RMND1: variants seen among roughly 807,000 people sequenced by gnomAD.
RMND1 encodes required for meiotic nuclear division 1 homolog.
In RMND1, 41 loss-of-function variants were observed where a neutral mutation model predicts 54.0. That is an observed-to-expected ratio of 0.76 (90% CI 0.59 to 0.98). RMND1 has a LOEUF of 0.98. RMND1 is among the 50% of genes least tolerant of loss of function. RMND1 has a pLI of 0.00. For missense variants in RMND1, 457 were observed against 532.0 expected (o/e 0.86, Z 1.39); for synonymous variants, 183 against 181.7 (o/e 1.01, Z -0.06).
intron 1 of RMND1, 48 bp from the exon 2 acceptor site, chr6:151,445,873 A>G (rs1780940612): frequency 7.0e-7 from 1 of 1,437,150 alleles, no homozygotes; most frequent in African/African-American, 1.4e-5. Flanking sequence ...TAATGTTTAA[A>G]ACATATATAA....
intron 2 of RMND1, among the ~76,000 whole-genome samples, chr6:151,440,049 T>G (rs1171384664): frequency 6.6e-6 from 1 of 151,980 alleles, no homozygotes; most frequent in Admixed American, 6.5e-5. Flanking sequence ...CTCTACCCCC[T>G]GGATTCAAGT....
rs200327793 is a variant in RMND1 at position 151,417,330 on chromosome 6, T to C, written c.1149A>G (p.Glu383=). 9.9e-6 allele frequency: 16 copies of C among 1,613,874 alleles called. No individual in the cohort carries two copies. Among genetic ancestry groups the C allele is most frequent in the Non-Finnish European group, 1.3e-5 (15 of 1,179,860 alleles). ...PDFYWDRENL[E]GLYDKTCQFL... is the part of the protein sequence containing the mutation. ...ATTGACACGTTTTATCGTAAAGTCC[T>C]TCCAGGTTTTCTCTGTCCCAGTAGA... Residue 383 remains glutamate (E), a synonymous_variant, in exon 10 of 12, where the codon GAA becomes GAG. Transcript: ENST00000444024.
intron 3 of RMND1, chr6:151,436,114 A>AAC (rs1554345809): frequency 2.4e-4 from 34 of 138,844 alleles, no homozygotes; most frequent in East Asian, 7.8e-4. Context: ...CCAAAAAACA[A>AAC]AAAAAAAAAA....
intron 1 of RMND1, among the ~76,000 whole-genome samples, chr6:151,449,290 AC>A (rs1258563074): frequency 6.7e-6 from 1 of 148,902 alleles, no homozygotes; most frequent in East Asian, 2.0e-4. Flanking sequence ...AATCGCCTGA[AC>A]CCGGGAGGTG....
chr6:151,424,687 A>C (rs1348191896), intron 6 of RMND1, among the ~76,000 whole-genome samples: 1 of 152,132 alleles, frequency 6.6e-6, no homozygotes, highest in African/African-American at 2.4e-5. Context: ...CACTGACATG[A>C]TGGGGTTGGG....
chr6:151,445,405 A>T lies in RMND1; in HGVS notation c.407T>A (p.Val136Asp). ...CACCTGTGGGAAGTCTTGTTTTGGA[A>T]CAAATGTTTCCGTTGATACAGATGA... Reference protein sequence around the residue: ...HFSSVSTETFVPKQDFPQVKR... With the variant: ...HFSSVSTETFDPKQDFPQVKR... The change falls in exon 2 of 12, where the codon GTT becomes GAT. Residue 136 changes from valine to aspartate, a missense_variant. By Grantham distance (152) the Val-to-Asp change is radical. Transcript: ENST00000444024. The T allele has an allele frequency of 6.2e-7, 1 of 1,614,032 alleles. No homozygotes were observed. The highest frequency in any genetic ancestry group is 8.5e-7 in the Non-Finnish European group (1 of 1,179,918).
chr6:151,419,033 G>A (rs1456798834), intron 9 of RMND1, among the ~76,000 whole-genome samples: 4 of 151,238 alleles, frequency 2.6e-5, no homozygotes, highest in Admixed American at 1.3e-4. Flanking sequence ...GCCTCCCAAA[G>A]TGTTGGGATT....
intron 5 of RMND1, among the ~76,000 whole-genome samples, chr6:151,429,329 C>T (rs2114948337): frequency 6.6e-6 from 1 of 152,230 alleles, no homozygotes; most frequent in East Asian, 1.9e-4. Flanking sequence ...CCATGTTGGC[C>T]AGGCTGGTCT....
chr6:151,439,568 T>C (rs1467946980), intron 2 of RMND1, among the ~76,000 whole-genome samples: 2 of 152,248 alleles, frequency 1.3e-5, no homozygotes, highest in African/African-American at 4.8e-5. Context: ...AGTGAAGACA[T>C]GCTGGCAACT....
In RMND1 at chr6:151,423,533, C is replaced by T; in HGVS notation, c.929G>A (p.Cys310Tyr). The T allele has an allele frequency of 6.2e-7, 1 of 1,603,920 alleles. No homozygotes were observed. Among genetic ancestry groups the T allele is most frequent in the Middle Eastern group, 1.7e-4 (1 of 6,042 alleles). Residue 310 changes from cysteine to tyrosine, a missense_variant, in exon 7 of 12, where the codon TGC becomes TAC. Physicochemically the swap from Cys to Tyr is radical, Grantham distance 194. Transcript: ENST00000444024. ...LEKFAFSNAL[C>Y]LSVKLAIWEA... ...AAGCAGTAGTAACTTACCAGAAAGG[C>T]ATAGAGCATTGGAGAAAGCAAACTT...
intron 2 of RMND1, among the ~76,000 whole-genome samples, chr6:151,437,389 A>G (rs576776231): frequency 6.6e-6 from 1 of 152,360 alleles, no homozygotes; most frequent in East Asian, 1.9e-4. Flanking sequence ...AATGTTAAAT[A>G]TATTTCTCAC....
At chr6:151,405,882 C>CGGT (rs769034215) in intron 10 of RMND1, 46 bp from the exon 11 acceptor site, 3 of 963,828 alleles carry the variant, frequency 3.1e-6, no homozygotes, top group Non-Finnish European at 5.0e-6. Flanking sequence ...CAATTTAATA[C>CGGT]GGTCATACAC....
rs771810802 is a variant in RMND1 at position 151,417,289 on chromosome 6, C to T, written c.1190G>A (p.Arg397Gln). The T allele has an allele frequency of 1.7e-5, 28 of 1,610,210 alleles. No homozygotes were observed. Among genetic ancestry groups the T allele is most frequent in the Admixed American group, 3.4e-5 (2 of 59,044 alleles). The change falls in exon 10 of 12, where the codon CGA (arginine) becomes CAA (glutamine). Residue 397 changes from arginine to glutamine, a missense_variant. Coordinates refer to ENST00000444024, the MANE Select transcript of RMND1 (RefSeq NM_017909.4). ...DKTCQFLSIG[R>Q]RVKVMNEKLQ... ...GTGCAAAATACGTACCTTAACTCTT[C>T]GGCCAATGCTAAGGAATTGACACGT... is the stretch of plus-strand genomic sequence containing the variant.
intron 10 of RMND1, among the ~76,000 whole-genome samples, chr6:151,406,922 G>A (rs1779644884): frequency 6.6e-6 from 1 of 152,086 alleles, no homozygotes; most frequent in African/African-American, 2.4e-5. Context: ...CATTTTGGGA[G>A]GCTGAGGCAG....
At chr6:151,407,033 G>C (rs1170115883) in intron 10 of RMND1, among the ~76,000 whole-genome samples, 1 of 152,008 alleles carries the variant, frequency 6.6e-6, no homozygotes, top group Non-Finnish European at 1.5e-5. Context: ...TGTGCCTGTA[G>C]TTCTAGCTAC....
At chr6:151,409,795 CAACA>C (rs1210127796) in intron 10 of RMND1, among the ~76,000 whole-genome samples, 6 of 152,228 alleles carry the variant, frequency 3.9e-5, no homozygotes, top group East Asian at 1.9e-4. Context: ...GAAGTCACGA[CAACA>C]AACAAGTGTT....
chr6:151,423,688 C>T, intron 6 of RMND1, 57 bp from the exon 7 acceptor site: 1 of 1,217,674 alleles, frequency 8.2e-7, no homozygotes, highest in Non-Finnish European at 1.2e-6. Flanking sequence ...TTAACTTTTC[C>T]TTTGAAAAAG....
chr6:151,415,897 G>A (rs973656794), intron 10 of RMND1, among the ~76,000 whole-genome samples: 2 of 152,094 alleles, frequency 1.3e-5, no homozygotes, highest in Non-Finnish European at 2.9e-5. Flanking sequence ...ACTGCCAGGG[G>A]TTAGGGACAG....
At chr6:151,406,518 C>T (rs191115134) in intron 10 of RMND1, among the ~76,000 whole-genome samples, 131 of 152,192 alleles carry the variant, frequency 8.6e-4, no homozygotes, top group Middle Eastern at 3.4e-3. Context: ...CCCGCCACCA[C>T]GCCCGGCTAA....
Sources: gnomAD v4.1 joint callset for allele counts (sites outside exome capture counted in the v4.1 genomes callset) on GRCh38, gnomAD v4.1.1 for gene constraint, MANE v1.5 for transcripts, NCBI Gene and HGNC (gene_info 2026-07-23, HGNC 2026-07-21) for gene names.